LRFN5: variants seen among roughly 807,000 people sequenced by gnomAD.
The protein encoded by LRFN5 is leucine rich repeat and fibronectin type III domain containing 5.
In LRFN5, 24 loss-of-function variants were observed where a neutral mutation model predicts 45.6. That is an observed-to-expected ratio of 0.53 (90% CI 0.38 to 0.74). The LOEUF (loss-of-function observed/expected upper bound fraction) is 0.74. LRFN5 is among the 30% of genes least tolerant of loss of function. The pLI is 0.00. For missense variants in LRFN5, 776 were observed against 861.5 expected (o/e 0.90, Z 1.24); for synonymous variants, 340 against 313.8 (o/e 1.08, Z -0.88).
intron 2 of LRFN5, among the ~76,000 whole-genome samples, chr14:41,843,612 G>A (rs1417451850): frequency 6.6e-6 from 1 of 151,850 alleles, no homozygotes; most frequent in South Asian, 2.1e-4. Context: ...AGTAGCATTC[G>A]AGATTCCTTT....
At chr14:41,722,332 C>G (rs1883754288) in intron 1 of LRFN5, among the ~76,000 whole-genome samples, 1 of 151,812 alleles carries the variant, frequency 6.6e-6, no homozygotes, top group Non-Finnish European at 1.5e-5. Context: ...CTTTGCAATC[C>G]ATGCTTTTGA....
At chr14:41,677,639 G>C (rs1881693865) in intron 1 of LRFN5, among the ~76,000 whole-genome samples, 2 of 152,078 alleles carry the variant, frequency 1.3e-5, no homozygotes, top group South Asian at 2.1e-4. Context: ...CTTAACAGTA[G>C]ATTAGAGTTT....
intron 2 of LRFN5, among the ~76,000 whole-genome samples, chr14:41,810,537 A>G (rs1887701747): frequency 1.3e-5 from 2 of 152,082 alleles, no homozygotes; most frequent in African/African-American, 4.8e-5. Flanking sequence ...ATCCAGATAA[A>G]ATAGGAGAAT....
intron 2 of LRFN5, among the ~76,000 whole-genome samples, chr14:41,857,982 G>A (rs531336658): frequency 6.6e-6 from 1 of 152,288 alleles, no homozygotes; most frequent in Admixed American, 6.5e-5. Context: ...AACAGGGAAT[G>A]TTGAAAGATA....
intron 2 of LRFN5, among the ~76,000 whole-genome samples, chr14:41,880,450 A>G (rs1011568201): frequency 6.6e-6 from 1 of 152,072 alleles, no homozygotes; most frequent in Non-Finnish European, 1.5e-5. Context: ...TAACAATTCA[A>G]ATACACTATT....
chr14:41,697,346 G>C (rs1035522791), intron 1 of LRFN5, among the ~76,000 whole-genome samples: 3 of 151,418 alleles, frequency 2.0e-5, no homozygotes, highest in Non-Finnish European at 4.4e-5. Flanking sequence ...TACTATGTTT[G>C]CTTTACAAAT....
chr14:41,812,494 A>G (rs1300029949), intron 2 of LRFN5, among the ~76,000 whole-genome samples: 3 of 151,990 alleles, frequency 2.0e-5, no homozygotes, highest in East Asian at 1.9e-4. Context: ...CCTTCTTAGT[A>G]TACTTGGGCA....
At chr14:41,654,368 C>CT (rs1880276603) in intron 1 of LRFN5, among the ~76,000 whole-genome samples, 1 of 151,834 alleles carries the variant, frequency 6.6e-6, no homozygotes, top group African/African-American at 2.4e-5. Context: ...GGCAAGAAGT[C>CT]TGAGTTTGAG....
intron 1 of LRFN5, among the ~76,000 whole-genome samples, chr14:41,641,460 T>C (rs1429147492): frequency 6.6e-6 from 1 of 152,084 alleles, no homozygotes; most frequent in Non-Finnish European, 1.5e-5. Flanking sequence ...TTTAGCTATT[T>C]TATAACACAT....
chr14:41,681,693 T>C (rs1204666873), intron 1 of LRFN5, among the ~76,000 whole-genome samples: 1 of 151,868 alleles, frequency 6.6e-6, no homozygotes, highest in African/African-American at 2.4e-5. Context: ...TAAGAAATCA[T>C]CTAAAGGTAC....
At chr14:41,822,024 G>C (rs562286748) in intron 2 of LRFN5, among the ~76,000 whole-genome samples, 1 of 151,864 alleles carries the variant, frequency 6.6e-6, no homozygotes, top group South Asian at 2.1e-4. Flanking sequence ...TTTCAACTTT[G>C]ATTGTGCTTA....
chr14:41,722,297 C>T (rs1200088763), intron 1 of LRFN5, among the ~76,000 whole-genome samples: 1 of 152,008 alleles, frequency 6.6e-6, no homozygotes, highest in Admixed American at 6.6e-5. Flanking sequence ...TGATTTTCAA[C>T]CTTGTCTTGG....
chr14:41,754,121 A>G (rs1053550771), intron 1 of LRFN5, among the ~76,000 whole-genome samples: 8 of 152,262 alleles, frequency 5.3e-5, no homozygotes, highest in Admixed American at 5.2e-4. Flanking sequence ...AACCCACTTG[A>G]TCATGGTGGA....
At chr14:41,673,577 C>T (rs563856532) in intron 1 of LRFN5, among the ~76,000 whole-genome samples, 1 of 143,662 alleles carries the variant, frequency 7.0e-6, no homozygotes, top group African/African-American at 2.6e-5. Context: ...AGGGGGTGAC[C>T]CCCCCCACCT....
rs557865182 is a variant in LRFN5, at chr14:41,606,885, G to T, written c.-1874G>T. On this transcript the variant is annotated 5_prime_UTR_variant, in exon 1 of 6. Coordinates refer to ENST00000298119, the MANE Select transcript of LRFN5 (RefSeq NM_152447.5). ...CCGCGCGCCCGCCGCCGCCGCCGCC[G>T]CCGCCTTCATGCTGCAGCGCAGGGC... Among the ~76,000 whole-genome samples, 7 of 152,044 alleles carry T rather than the reference G, an allele frequency of 4.6e-5. No individual in the cohort carries two copies. Among genetic ancestry groups the T allele is most frequent in the African/African-American group, 1.4e-4 (6 of 41,522 alleles).
At chr14:41,675,422 G>A (rs1881579613) in intron 1 of LRFN5, among the ~76,000 whole-genome samples, 2 of 149,480 alleles carry the variant, frequency 1.3e-5, no homozygotes, top group East Asian at 1.9e-4. Flanking sequence ...CCAACACAGC[G>A]AAACCCCGTC....
At chr14:41,765,353 AG>A (rs1416557069) in intron 1 of LRFN5, among the ~76,000 whole-genome samples, 20 of 91,406 alleles carry the variant, frequency 2.2e-4, no homozygotes, top group East Asian at 1.0e-3. Context: ...AAAAAAAAGG[AG>A]GAAAAAAAAA....
chr14:41,854,855 A>G (rs1171460651), intron 2 of LRFN5, among the ~76,000 whole-genome samples: 1 of 152,202 alleles, frequency 6.6e-6, no homozygotes, highest in African/African-American at 2.4e-5. Flanking sequence ...CAATACACTT[A>G]CAAATTCACA....
chr14:41,621,195 C>T (rs1395442290), intron 1 of LRFN5, among the ~76,000 whole-genome samples: 1 of 152,014 alleles, frequency 6.6e-6, no homozygotes, highest in Non-Finnish European at 1.5e-5. Context: ...TCATATCATT[C>T]TAAAGATTTT....
Sources: allele counts gnomAD v4.1 joint callset (sites outside exome capture counted in the v4.1 genomes callset), GRCh38; gene constraint gnomAD v4.1.1; transcripts MANE v1.5; gene names NCBI Gene and HGNC (gene_info 2026-07-23, HGNC 2026-07-21).